Variants in TNKS observed in about 807,000 individuals in gnomAD.
TNKS encodes the protein poly [ADP-ribose] polymerase tankyrase-1.
A neutral mutation model predicts 135.8 loss-of-function variants in TNKS; 72 were observed. The ratio of observed to expected loss-of-function variants is 0.53; its 90% confidence interval spans 0.44 to 0.64. The LOEUF (loss-of-function observed/expected upper bound fraction) is 0.64, where lower values mean the gene tolerates loss of function less well. Ranked by LOEUF, TNKS falls within the 30% of genes least tolerant of loss-of-function variation. The pLI, the probability that TNKS is intolerant of heterozygous loss-of-function variation, is 0.00. For synonymous variants in TNKS, 849 were observed against 649.3 expected, an observed-to-expected ratio of 1.31 and a Z score of -4.68; for missense variants, 1,769 against 1,674.0, an observed-to-expected ratio of 1.06 and a Z score of -0.99.
At chr8:9,740,031 T>G (rs1325227751) in intron 17 of TNKS, among the ~76,000 whole-genome samples, 1 of 87,240 alleles carries the variant, frequency 1.1e-5, no homozygotes, top group Non-Finnish European at 2.1e-5. Flanking sequence ...AATGTGCACA[T>G]GTACCCTAAA....
chr8:9,617,059 C>T (rs892993726), intron 3 of TNKS, among the ~76,000 whole-genome samples: 1 of 152,206 alleles, frequency 6.6e-6, no homozygotes, highest in Non-Finnish European at 1.5e-5. Flanking sequence ...CTCCAACTCT[C>T]AACACCCGCT....
At chr8:9,732,659 C>T (rs1805502518) in intron 14 of TNKS, among the ~76,000 whole-genome samples, 1 of 151,168 alleles carries the variant, frequency 6.6e-6, no homozygotes, top group Non-Finnish European at 1.5e-5. Flanking sequence ...TTGATGTACT[C>T]TTTTGTGGGA....
intron 1 of TNKS, chr8:9,558,662 A>T (rs965543466): frequency 6.6e-6 from 1 of 152,172 alleles, no homozygotes; most frequent in Non-Finnish European, 1.5e-5. Context: ...GTTACTTGTT[A>T]TTCTGTTTCA....
chr8:9,746,257 A>T (rs1478981509), intron 17 of TNKS, among the ~76,000 whole-genome samples: 1 of 152,218 alleles, frequency 6.6e-6, no homozygotes, highest in African/African-American at 2.4e-5. Flanking sequence ...CTAACATCCT[A>T]AATGTATTTA....
At chr8:9,598,491 T>A (rs1221239904) in intron 2 of TNKS, among the ~76,000 whole-genome samples, 3 of 151,924 alleles carry the variant, frequency 2.0e-5, no homozygotes, top group African/African-American at 7.3e-5. Context: ...GATAAAAATA[T>A]TAATTGCCAG....
At chr8:9,581,235 A>G (rs1378853256) in intron 2 of TNKS, among the ~76,000 whole-genome samples, 4 of 152,210 alleles carry the variant, frequency 2.6e-5, no homozygotes, top group African/African-American at 7.2e-5. Context: ...ATTCCTCCTT[A>G]TAGCCATCTA....
At chr8:9,757,481 G>T (rs1381421341) in intron 20 of TNKS, among the ~76,000 whole-genome samples, 2 of 152,026 alleles carry the variant, frequency 1.3e-5, no homozygotes, top group African/African-American at 4.8e-5. Context: ...TCTGTCTTAA[G>T]CCCACTTCCC....
chr8:9,768,919 AGTT>A (rs1381229708), intron 25 of TNKS, among the ~76,000 whole-genome samples: 1 of 152,228 alleles, frequency 6.6e-6, no homozygotes, highest in East Asian at 1.9e-4. Context: ...CACAAATTTT[AGTT>A]GACTCAAGAT....
chr8:9,724,363 G>A (rs1173991510), intron 12 of TNKS, among the ~76,000 whole-genome samples: 2 of 152,034 alleles, frequency 1.3e-5, no homozygotes, highest in Non-Finnish European at 2.9e-5. Context: ...TAAGACAAGA[G>A]GATCACTTGA....
intron 13 of TNKS, among the ~76,000 whole-genome samples, chr8:9,728,841 G>T (rs1334623180): frequency 6.6e-6 from 1 of 152,042 alleles, no homozygotes; most frequent in African/African-American, 2.4e-5. Flanking sequence ...TTACTGCCCA[G>T]ACTCCTTCCT....
chr8:9,657,222 C>T (rs1310655927), intron 3 of TNKS, among the ~76,000 whole-genome samples: 10 of 127,200 alleles, frequency 7.9e-5, no homozygotes, highest in Admixed American at 2.3e-4. Flanking sequence ...CCTCACCTCC[C>T]GGACGGGGCG....
intron 17 of TNKS, among the ~76,000 whole-genome samples, chr8:9,745,120 C>T (rs182733458): frequency 3.3e-5 from 5 of 152,196 alleles, no homozygotes; most frequent in East Asian, 1.9e-4. Context: ...GAAATTATTC[C>T]GTGCTTTTGG....
intron 2 of TNKS, among the ~76,000 whole-genome samples, chr8:9,604,149 A>G (rs1041447578): frequency 6.6e-6 from 1 of 152,148 alleles, no homozygotes; most frequent in African/African-American, 2.4e-5. Context: ...GCAGGATACT[A>G]TATATGCATT....
chr8:9,733,519 G>T (rs1451208908), intron 15 of TNKS, 75 bp downstream of exon 15: 2 of 1,300,354 alleles, frequency 1.5e-6, no homozygotes, highest in Admixed American at 2.0e-5. Flanking sequence ...GTAAGTTGGG[G>T]TATGTTATTC....
At chr8:9,728,129 A>G (rs1348573815) in intron 13 of TNKS, among the ~76,000 whole-genome samples, 2 of 152,196 alleles carry the variant, frequency 1.3e-5, no homozygotes, top group African/African-American at 2.4e-5. Flanking sequence ...GATGTATACT[A>G]CAGCTTTTAG....
At chr8:9,645,365 G>T (rs1309742925) in intron 3 of TNKS, among the ~76,000 whole-genome samples, 2 of 152,164 alleles carry the variant, frequency 1.3e-5, no homozygotes, top group Non-Finnish European at 2.9e-5. Context: ...AGACCATGCT[G>T]CACAGAGATG....
chr8:9,564,157 T>G (rs1585170904), intron 1 of TNKS, among the ~76,000 whole-genome samples: 1 of 152,204 alleles, frequency 6.6e-6, no homozygotes, highest in African/African-American at 2.4e-5. Context: ...ATTTTATAGA[T>G]AAAGTCTCTT....
In TNKS at chr8:9,679,998, C is replaced by G. The variant is rs756587675; in HGVS notation, c.1031+11C>G. On this transcript the variant is annotated intron_variant, in intron 4 of 26. Coordinates refer to ENST00000310430, the MANE Select transcript of TNKS (RefSeq NM_003747.3). ...CCTAGAAGCTGCTAGGTAAGTGATT[C>G]CATTCATTTTAAGTGTATATAATGC... is the stretch of plus-strand genomic sequence containing the variant. 4 of 1,606,762 alleles carry G rather than the reference C, an allele frequency of 2.5e-6. No homozygotes were observed. Among genetic ancestry groups the G allele is most frequent in the Non-Finnish European group, 3.4e-6 (4 of 1,173,546 alleles).
At chr8:9,571,612 C>T (rs750852981) in intron 1 of TNKS, among the ~76,000 whole-genome samples, 15 of 152,134 alleles carry the variant, frequency 9.9e-5, no homozygotes, top group Non-Finnish European at 2.2e-4. Context: ...TGCCCACCAC[C>T]ACGCCTGGCT....
Sources: allele counts gnomAD v4.1 joint callset (sites outside exome capture counted in the v4.1 genomes callset), GRCh38; gene constraint gnomAD v4.1.1; transcripts MANE v1.5; gene names NCBI Gene and HGNC (gene_info 2026-07-23, HGNC 2026-07-21).